PKP2: variants seen among roughly 807,000 people sequenced by gnomAD.
PKP2 encodes plakophilin-2.
PKP2 carries 73 observed loss-of-function variants against 83.4 expected under a neutral mutation model. The ratio of observed to expected loss-of-function variants is 0.88; its 90% CI spans 0.72 to 1.06. The LOEUF is 1.06. Among genes scored for constraint, PKP2 ranks in the 50% least tolerant of loss-of-function variants. The pLI, the probability that PKP2 is intolerant of heterozygous loss-of-function variation, is 0.00. For missense variants in PKP2, 966 were observed against 1,065.4 expected, an observed-to-expected ratio of 0.91 and a Z score of 1.30; for synonymous variants, 409 against 430.4, an observed-to-expected ratio of 0.95 and a Z score of 0.62.
At chr12:32,848,229 C>A (rs1956665625) in intron 5 of PKP2, among the ~76,000 whole-genome samples, 1 of 152,104 alleles carries the variant, frequency 6.6e-6, no homozygotes, top group Non-Finnish European at 1.5e-5. Flanking sequence ...TCAAGACCAG[C>A]CTGATCAACG....
intron 6 of PKP2, among the ~76,000 whole-genome samples, chr12:32,839,122 A>T (rs1009698812): frequency 6.6e-6 from 1 of 152,148 alleles, no homozygotes; most frequent in African/African-American, 2.4e-5. Context: ...AAGGTTGTGG[A>T]TAGACTGAAA....
Position 32,822,536 on chromosome 12 carries a change from GT to G in PKP2, c.1769del (p.Asn590ThrfsTer22), listed in dbSNP as rs1064793231. The part of the protein sequence containing the change: ...EKYSQNIYIQ[N>X]RNIQTDNNKS... ...TGTTGTTGTCAGTCTGGATATTCCG[GT>G]TTTGAATATAGATATTCTGGGAATA... On this transcript the variant is annotated frameshift_variant, in exon 8 of 13. Transcript: ENST00000340811. LOFTEE classifies it high-confidence loss of function. 2 of 1,614,012 alleles carry G rather than the reference GT, an allele frequency of 1.2e-6. No homozygotes were observed. Among genetic ancestry groups the G allele is most frequent in the Non-Finnish European group, 1.7e-6 (2 of 1,179,920 alleles).
intron 1 of PKP2, among the ~76,000 whole-genome samples, chr12:32,887,609 T>C (rs542379375): frequency 6.6e-6 from 1 of 152,106 alleles, no homozygotes; most frequent in Non-Finnish European, 1.5e-5. Flanking sequence ...TGTGCCACCA[T>C]GCTGACTAAT....
chr12:32,879,960 T>C (rs1956970677), intron 1 of PKP2, among the ~76,000 whole-genome samples: 1 of 151,962 alleles, frequency 6.6e-6, no homozygotes, highest in African/African-American at 2.4e-5. Context: ...ACTCATTGTC[T>C]GGTTTAGCTG....
intron 9 of PKP2, among the ~76,000 whole-genome samples, chr12:32,804,772 GTATC>G (rs1197734879): frequency 1.4e-4 from 22 of 152,296 alleles, no homozygotes; most frequent in Admixed American, 1.3e-3. Flanking sequence ...ACACATGCAT[GTATC>G]TTTATAAGAG....
At position 32,806,901 on chromosome 12, in the gene PKP2, TG is replaced by T. The variant is rs200790053; in HGVS notation, c.2014-4346del. Among the ~76,000 whole-genome samples, 146 of 152,344 alleles carry T rather than the reference TG, an allele frequency of 9.6e-4. 3 individuals carry two copies. In the East Asian group the frequency reaches 0.027, roughly 28 times the overall value. ...CTGTGTCCCAGAGATTCTGGTACACTGTCTCTTTGTTCTCATTAATTTCATA... is the reference window on the plus strand; with the variant it reads ...CTGTGTCCCAGAGATTCTGGTACACTTCTCTTTGTTCTCATTAATTTCATA... On this transcript the variant is annotated intron_variant, in intron 9 of 12. Transcript: ENST00000340811.
intron 6 of PKP2, among the ~76,000 whole-genome samples, chr12:32,828,479 A>G (rs1381836636): frequency 2.0e-5 from 3 of 152,232 alleles, no homozygotes; most frequent in African/African-American, 7.2e-5. Context: ...TGTTTGCACT[A>G]GACATTATGG....
intron 9 of PKP2, among the ~76,000 whole-genome samples, chr12:32,803,146 G>A (rs1451809516): frequency 6.6e-6 from 1 of 151,874 alleles, no homozygotes; most frequent in Non-Finnish European, 1.5e-5. Context: ...AAAGCTGGCT[G>A]ATCACCTGAG....
intron 4 of PKP2, among the ~76,000 whole-genome samples, chr12:32,865,376 GA>G (rs554773045): frequency 0.49 from 41,481 of 85,272 alleles, 7,860 homozygotes; most frequent in East Asian, 0.67. Flanking sequence ...CTCCATCTCA[GA>G]AAAAAAAAAA....
At chr12:32,883,471 T>A (rs928242277) in intron 1 of PKP2, among the ~76,000 whole-genome samples, 1 of 152,340 alleles carries the variant, frequency 6.6e-6, no homozygotes, top group East Asian at 1.9e-4. Context: ...GAGAATAAGA[T>A]GATATCGTGA....
At chr12:32,842,863 C>T (rs1306315425) in intron 5 of PKP2, among the ~76,000 whole-genome samples, 6 of 150,670 alleles carry the variant, frequency 4.0e-5, no homozygotes, top group Admixed American at 1.3e-4. Context: ...TCAGTAGAGA[C>T]GGGGTTTCAC....
chr12:32,886,676 T>C (rs762555690), intron 1 of PKP2, among the ~76,000 whole-genome samples: 1 of 152,130 alleles, frequency 6.6e-6, no homozygotes, highest in South Asian at 2.1e-4. Context: ...GGCTGGAAAA[T>C]AAGTAGAATT....
chr12:32,844,231 CT>C (rs1956626173), intron 5 of PKP2, among the ~76,000 whole-genome samples: 1 of 152,120 alleles, frequency 6.6e-6, no homozygotes, highest in Admixed American at 6.5e-5. Context: ...GGCATGAAAG[CT>C]GTGAAAGAAC....
intron 4 of PKP2, among the ~76,000 whole-genome samples, chr12:32,854,196 T>A (rs1956725535): frequency 2.0e-5 from 3 of 152,220 alleles, no homozygotes; most frequent in African/African-American, 7.2e-5. Context: ...ATAGAATTAG[T>A]AAGAAGTGGC....
At chr12:32,877,402 C>T (rs1956941045) in intron 3 of PKP2, among the ~76,000 whole-genome samples, 1 of 152,210 alleles carries the variant, frequency 6.6e-6, no homozygotes, top group Non-Finnish European at 1.5e-5. Flanking sequence ...ATCTAGAAGT[C>T]AGCCATCTTT....
chr12:32,836,057 G>A (rs1956543179), intron 6 of PKP2, among the ~76,000 whole-genome samples: 1 of 152,164 alleles, frequency 6.6e-6, no homozygotes, highest in Admixed American at 6.5e-5. Flanking sequence ...CTCACTTGCT[G>A]GCTCCAACAC....
At chr12:32,819,883 C>A (rs1206548354) in intron 9 of PKP2, among the ~76,000 whole-genome samples, 2 of 32,590 alleles carry the variant, frequency 6.1e-5, no homozygotes, top group Non-Finnish European at 1.4e-4. Flanking sequence ...CACGCACACA[C>A]AACCCCCCCC....
rs948490967 is a variant in PKP2 at position 32,798,501 on chromosome 12, A to C, written c.2168-2203T>G. On this transcript the variant is annotated intron_variant, in intron 10 of 12. Transcript: ENST00000340811. ...CTTTTTTTTTTTGTACTAACAAGAA[A>C]GGTATTAAAAAAATAGACATGCCAC... Among the ~76,000 whole-genome samples the C allele has an allele frequency of 5.3e-5, 8 of 152,184 alleles. No homozygotes were observed. In the South Asian group the frequency reaches 1.2e-3, roughly 24 times the overall value.
intron 5 of PKP2, among the ~76,000 whole-genome samples, chr12:32,849,652 T>C (rs1956680006): frequency 6.6e-6 from 1 of 152,206 alleles, no homozygotes; most frequent in Non-Finnish European, 1.5e-5. Context: ...TAAATGAAAG[T>C]AGCCCCTTCT....
Sources: allele counts gnomAD v4.1 joint callset (sites outside exome capture counted in the v4.1 genomes callset), GRCh38; gene constraint gnomAD v4.1.1; transcripts MANE v1.5; gene names NCBI Gene and HGNC (gene_info 2026-07-23, HGNC 2026-07-21).